Variants in RAB3GAP2 observed in about 807,000 individuals in gnomAD.
RAB3GAP2 encodes the protein RAB3 GTPase activating non-catalytic protein subunit 2, also known as rab3 GTPase-activating protein non-catalytic subunit.
A neutral mutation model predicts 185.3 loss-of-function variants in RAB3GAP2; 87 were observed. That is an observed-to-expected ratio of 0.47 (90% CI 0.39 to 0.56). The LOEUF is 0.56. RAB3GAP2 is among the 20% of genes least tolerant of loss of function. The probability of loss-of-function intolerance (pLI) is 0.00; values close to 1 mark genes in which losing one functional copy is unlikely to be tolerated. For synonymous variants in RAB3GAP2, 554 were observed against 576.1 expected, an observed-to-expected ratio of 0.96 and a Z score of 0.55; for missense variants, 1,492 against 1,638.2, an observed-to-expected ratio of 0.91 and a Z score of 1.54.
intron 9 of RAB3GAP2, among the ~76,000 whole-genome samples, chr1:220,198,783 G>A (rs1658781291): frequency 6.6e-6 from 1 of 152,034 alleles, no homozygotes. Flanking sequence ...AGCGTCTGAG[G>A]CCTTCCCACA....
chr1:220,266,228 T>A (rs1660224480), intron 1 of RAB3GAP2: 1 of 192,100 alleles, frequency 5.2e-6, no homozygotes, highest in Non-Finnish European at 1.1e-5. Context: ...TACAAATATC[T>A]TTATTTTCCT....
intron 9 of RAB3GAP2, chr1:220,200,652 C>T (rs1658836009): frequency 1.9e-6 from 1 of 522,438 alleles, no homozygotes; most frequent in African/African-American, 1.9e-5. Context: ...GGAAGCTACC[C>T]TGAACTGAAC....
rs537488666 is a variant in RAB3GAP2, at chr1:220,154,439, G to A, written c.3556-382C>T. The A allele has an allele frequency of 1.4e-5, 3 of 222,078 alleles. No homozygotes were observed. The East Asian group carries it at 3.5e-4, about 26-fold the overall frequency. 13.8% of individuals were successfully genotyped at this position (222,078 alleles called of 1,614,324 possible). ...TGTTCTGCAGGAAGCCAGGTTCCGTGTTGTGAGCTGCTGTATGGAGAGGCA... is the reference window on the plus strand; with the variant it reads ...TGTTCTGCAGGAAGCCAGGTTCCGTATTGTGAGCTGCTGTATGGAGAGGCA... On this transcript the variant is annotated intron_variant, in intron 31 of 34. Coordinates refer to ENST00000358951, the MANE Select transcript of RAB3GAP2 (RefSeq NM_012414.4).
intron 1 of RAB3GAP2, among the ~76,000 whole-genome samples, chr1:220,270,890 T>C (rs570576634): frequency 7.9e-4 from 121 of 152,330 alleles, no homozygotes; most frequent in Admixed American, 3.3e-3. Context: ...TCCTTATTAC[T>C]ACTACTGCCT....
intron 28 of RAB3GAP2, among the ~76,000 whole-genome samples, chr1:220,160,036 TA>T (rs369576394): frequency 1.3e-4 from 19 of 144,430 alleles, no homozygotes; most frequent in Admixed American, 5.5e-4. Context: ...AAAGAAAAAC[TA>T]AAAAAAAAAC....
intron 26 of RAB3GAP2, among the ~76,000 whole-genome samples, chr1:220,165,806 A>G (rs912435487): frequency 6.6e-6 from 1 of 152,196 alleles, no homozygotes; most frequent in Admixed American, 6.5e-5. Context: ...TTAGGAGAAC[A>G]TTGAAACGAA....
At chr1:220,156,009 G>A (rs1361764296) in intron 31 of RAB3GAP2, among the ~76,000 whole-genome samples, 2 of 150,860 alleles carry the variant, frequency 1.3e-5, no homozygotes, top group Non-Finnish European at 2.9e-5. Flanking sequence ...GAAGTGCAGT[G>A]GTGTGATCTT....
At chr1:220,168,350 C>T (rs141575007) in intron 24 of RAB3GAP2, among the ~76,000 whole-genome samples, 1 of 151,994 alleles carries the variant, frequency 6.6e-6, no homozygotes, top group East Asian at 1.9e-4. Context: ...CCTCAGCCCC[C>T]CAAAGTGCTA....
intron 2 of RAB3GAP2, among the ~76,000 whole-genome samples, chr1:220,221,964 T>C (rs1659314111): frequency 6.6e-6 from 1 of 152,234 alleles, no homozygotes; most frequent in African/African-American, 2.4e-5. Context: ...AAGTCCATCA[T>C]TTGCAATTTA....
intron 1 of RAB3GAP2, among the ~76,000 whole-genome samples, chr1:220,262,000 AAC>A (rs1197220823): frequency 1.3e-5 from 2 of 152,122 alleles, no homozygotes; most frequent in South Asian, 4.2e-4. Context: ...GGTTAAAAAA[AAC>A]ACACAGGCCA....
chr1:220,186,680 C>A (rs966312901), intron 17 of RAB3GAP2, among the ~76,000 whole-genome samples: 10 of 152,052 alleles, frequency 6.6e-5, no homozygotes, highest in Admixed American at 6.6e-4. Context: ...TTAGTCAGTC[C>A]TAGAAGACCT....
Position 220,153,354 on chromosome 1 carries a change from T to A in RAB3GAP2, c.3698A>T (p.Lys1233Met), listed in dbSNP as rs759944163. The change falls in exon 33 of 35, where the codon AAG (lysine) becomes ATG (methionine). Residue 1233 changes from lysine to methionine, a missense_variant. By Grantham distance (95) the Lys-to-Met change is moderately conservative (BLOSUM62 -1). This residue lies in a region of RAB3GAP2 where 387 missense variants were observed against 455.3 expected (regional missense o/e 0.85). Transcript: ENST00000358951. ...GGCCTCTTCTGTGGGATCTTTGACC[T>A]TTGTGGCTGAATGTTGGGCCTGGAC... ...AAVQAQHSATKVKDPTEEATP... is the reference protein window; with the variant it reads ...AAVQAQHSATMVKDPTEEATP... 3 of 1,614,214 alleles carry A rather than the reference T, an allele frequency of 1.9e-6. No homozygotes were observed. In the South Asian group the frequency reaches 3.3e-5, roughly 18 times the overall value.
At chr1:220,212,384 AT>A (rs1345665506) in intron 4 of RAB3GAP2, among the ~76,000 whole-genome samples, 1 of 152,234 alleles carries the variant, frequency 6.6e-6, no homozygotes, top group Non-Finnish European at 1.5e-5. Context: ...TAAAAACATA[AT>A]TACACGATAT....
intron 31 of RAB3GAP2, 119 bp from the exon 32 acceptor site, chr1:220,154,176 T>G: frequency 7.2e-7 from 1 of 1,392,136 alleles, no homozygotes; most frequent in Non-Finnish European, 9.6e-7. Context: ...CCTTGAACAG[T>G]AAGATTTTAG....
At chr1:220,172,772 TA>T (rs543400973) in intron 21 of RAB3GAP2, 30 bp from the exon 22 acceptor site, 574 of 1,486,108 alleles carry the variant, frequency 3.9e-4, no homozygotes, top group Non-Finnish European at 4.8e-4. Flanking sequence ...TTTTTCAGTC[TA>T]AAAAAAAATT....
intron 1 of RAB3GAP2, among the ~76,000 whole-genome samples, chr1:220,250,517 A>G (rs1200542154): frequency 6.6e-6 from 1 of 152,250 alleles, no homozygotes; most frequent in Non-Finnish European, 1.5e-5. Flanking sequence ...TAATGCTAAA[A>G]TAAGTTAAGA....
At chr1:220,208,647 T>C (rs540579967) in intron 7 of RAB3GAP2, among the ~76,000 whole-genome samples, 1 of 152,326 alleles carries the variant, frequency 6.6e-6, no homozygotes, top group East Asian at 1.9e-4. Context: ...CTTAGAGACA[T>C]CTTTAGCTCA....
At chr1:220,251,306 A>G (rs1028307248) in intron 1 of RAB3GAP2, among the ~76,000 whole-genome samples, 1 of 152,236 alleles carries the variant, frequency 6.6e-6, no homozygotes, top group Non-Finnish European at 1.5e-5. Flanking sequence ...AATGTTTTAC[A>G]AGCTTAAGAT....
intron 9 of RAB3GAP2, among the ~76,000 whole-genome samples, chr1:220,198,197 A>T (rs1026804684): frequency 1.3e-5 from 2 of 152,096 alleles, no homozygotes; most frequent in Non-Finnish European, 2.9e-5. Flanking sequence ...GCTAAATCTT[A>T]ATCTTGGTTG....
Sources: gnomAD v4.1 joint callset for allele counts (sites outside exome capture counted in the v4.1 genomes callset) on GRCh38, gnomAD v4.1.1 for gene constraint, gnomAD v4.1.1 regional missense constraint, MANE v1.5 for transcripts, NCBI Gene and HGNC (gene_info 2026-07-23, HGNC 2026-07-21) for gene names.